Variants in COL18A1 observed in about 807,000 individuals in gnomAD.
COL18A1 encodes collagen type XVIII alpha 1 chain.
COL18A1 carries 133 observed loss-of-function variants against 168.0 expected under a neutral mutation model. The observed-to-expected ratio is 0.79, with a 90% CI of 0.69 to 0.91. COL18A1 has a LOEUF of 0.91. COL18A1 is among the 40% of genes least tolerant of loss of function. COL18A1 has a pLI of 0.00. For synonymous variants in COL18A1, 949 were observed against 809.0 expected, an observed-to-expected ratio of 1.17 and a Z score of -2.94; for missense variants, 2,126 against 1,925.4, an observed-to-expected ratio of 1.10 and a Z score of -1.95.
At position 45,445,121 on chromosome 21, in the gene COL18A1, C is replaced by T. The variant is rs1457203838; in HGVS notation, c.107-23121C>T. Among the ~76,000 whole-genome samples, 3 of 152,198 alleles carry T rather than the reference C, an allele frequency of 2.0e-5. No individual in the cohort carries two copies. In the East Asian group the frequency reaches 5.8e-4, roughly 29 times the overall value. ...CTCCAGAGAGAAGCCTTTCCGCCGC[C>T]CTCCCTCCCTCCAGTCCTGGCCACC... On this transcript the variant is annotated intron_variant, in intron 2 of 41. Coordinates refer to ENST00000651438, the MANE Select transcript of COL18A1 (RefSeq NM_001379500.1).
At position 45,480,730 on chromosome 21, in the gene COL18A1, C is replaced by A. The variant is rs375739796; in HGVS notation, c.1483C>A (p.Pro495Thr). 6.2e-7 allele frequency: 1 copy of A among 1,610,136 alleles called. No homozygotes were observed. The highest frequency in any genetic ancestry group is 2.2e-5 in the East Asian group (1 of 44,878). Residue 495 changes from proline to threonine, a missense_variant, in exon 13 of 42, where the codon CCC (proline) becomes ACC (threonine). Physicochemically the swap from Pro to Thr is conservative, Grantham distance 38 (BLOSUM62 -1). Transcript: ENST00000651438. ...GPRGFPGPPGPPGVPGLPGEP... is the reference protein window; with the variant it reads ...GPRGFPGPPGTPGVPGLPGEP... ...TCGAGGCTTCCCTGGACCTCCCGGA[C>A]CCCCCGGTGTCCCAGGCCTGCCCGG...
rs1193657409 is a variant in COL18A1, at chr21:45,438,256, ACACACT to A, written c.107-29977_107-29972del. 1.5e-3 allele frequency among the ~76,000 whole-genome samples: 147 copies of A among 99,206 alleles called. 3 individuals carry two copies. The highest frequency in any genetic ancestry group is 2.3e-3 in the African/African-American group (47 of 20,396). 65.1% of individuals were successfully genotyped at this position (99,206 alleles called of 152,430 possible). ...CACACAGGCACTCTCCTGCACACAC[ACACACT>A]CACACTCAGACACACAGGCACTCTC... On this transcript the variant is annotated intron_variant, in intron 2 of 41. Transcript: ENST00000651438.
chr21:45,507,856 C>A (rs1237924929), intron 38 of COL18A1, among the ~76,000 whole-genome samples: 1 of 152,240 alleles, frequency 6.6e-6, no homozygotes, highest in East Asian at 1.9e-4. Context: ...GTGTCTGCCG[C>A]TCATTGCCCT....
At chr21:45,459,730 G>A (rs1442593992) in intron 2 of COL18A1, among the ~76,000 whole-genome samples, 1 of 152,228 alleles carries the variant, frequency 6.6e-6, no homozygotes, top group Non-Finnish European at 1.5e-5. Flanking sequence ...GGGAGGGCCG[G>A]GGTGGGGTAG....
At chr21:45,464,897 C>G (rs1349506208) in intron 2 of COL18A1, among the ~76,000 whole-genome samples, 1 of 152,220 alleles carries the variant, frequency 6.6e-6, no homozygotes, top group Non-Finnish European at 1.5e-5. Context: ...TGGGTTCCAG[C>G]TGTTGTGCCG....
At chr21:45,452,270 T>C (rs539372114) in intron 2 of COL18A1, among the ~76,000 whole-genome samples, 2 of 152,328 alleles carry the variant, frequency 1.3e-5, no homozygotes, top group East Asian at 3.9e-4. Flanking sequence ...TTTCTGAGAG[T>C]GCAAGTACAT....
intron 2 of COL18A1, among the ~76,000 whole-genome samples, chr21:45,409,084 C>T (rs1035144787): frequency 9.6e-5 from 10 of 104,048 alleles, no homozygotes; most frequent in African/African-American, 2.0e-4. Flanking sequence ...ACCCCACCCC[C>T]GGCATGGGGC....
rs540450766 is a variant in COL18A1, at chr21:45,511,987, T to TG, written c.3810-195dup. ...GTGGGTGTGTCTGGCAGAAGCAGCA[T>TG]GGGGGGCAGTCTGGGAGATGCAGCC... On this transcript the variant is annotated intron_variant, in intron 41 of 41. Coordinates refer to ENST00000651438, the MANE Select transcript of COL18A1 (RefSeq NM_001379500.1). Among the ~76,000 whole-genome samples, 17 of 152,206 alleles carry TG rather than the reference T, an allele frequency of 1.1e-4. No individual in the cohort carries two copies. In the South Asian group the frequency reaches 3.1e-3, roughly 28 times the overall value.
rs550729686 is a variant in COL18A1 at position 45,509,156 on chromosome 21, C to T, written c.3250-200C>T. Among the ~76,000 whole-genome samples the T allele has an allele frequency of 7.9e-5, 12 of 152,160 alleles. No individual in the cohort carries two copies. The East Asian group carries it at 1.2e-3, about 15-fold the overall frequency. On this transcript the variant is annotated intron_variant, in intron 38 of 41. Coordinates refer to ENST00000651438, the MANE Select transcript of COL18A1 (RefSeq NM_001379500.1). ...GTGGGGCCTGAGCAGAGGTGACCCG[C>T]GATCCGGCGCCACGGCAGGCAGGAC...
rs765760874 is a variant in COL18A1 at position 45,491,270 on chromosome 21, C to A, written c.2113C>A (p.Pro705Thr). Residue 705 changes from proline to threonine, a missense_variant, in exon 22 of 42, where the codon CCC becomes ACC. Physicochemically the swap from Pro to Thr is conservative, Grantham distance 38 (BLOSUM62 -1). Coordinates refer to ENST00000651438, the MANE Select transcript of COL18A1 (RefSeq NM_001379500.1). The stretch of plus-strand genomic sequence containing the variant: ...AGTCGGGCAGCCGGGCCTCCCTGGC[C>A]CCCCCGGACCCCCGGGACCTGTGGT... ...DGVGQPGLPGPPGPPGPVVYV... is the reference protein window; with the variant it reads ...DGVGQPGLPGTPGPPGPVVYV... 1.4e-5 allele frequency: 23 copies of A among 1,612,104 alleles called. No homozygotes were observed. The highest frequency in any genetic ancestry group is 1.3e-4 in the African/African-American group (10 of 74,910).
chr21:45,478,039 G>A (rs540775264), intron 8 of COL18A1, 74 bp downstream of exon 8: 27 of 839,962 alleles, frequency 3.2e-5, no homozygotes, highest in East Asian at 1.3e-4. Flanking sequence ...GAGAGGCTGC[G>A]GCCGACATGG....
chr21:45,418,786 G>A (rs8128728), intron 2 of COL18A1, among the ~76,000 whole-genome samples: 101,150 of 148,668 alleles, frequency 0.68, 34,282 homozygotes, highest in Middle Eastern at 0.8. Context: ...CTGCTTTAGC[G>A]TTGGGTTCCC....
chr21:45,479,978 G>A lies in COL18A1; in HGVS notation c.1311+14G>A, dbSNP rs771667929. On this transcript the variant is annotated intron_variant, in intron 10 of 41. Coordinates refer to ENST00000651438, the MANE Select transcript of COL18A1 (RefSeq NM_001379500.1). ...AAGGGCGACAAGGTGAGTCTCCGTGGCTGGGTGGGGCCCCTTCCTGTGTTG... is the reference window on the plus strand; with the variant it reads ...AAGGGCGACAAGGTGAGTCTCCGTGACTGGGTGGGGCCCCTTCCTGTGTTG... 6.2e-7 allele frequency: 1 copy of A among 1,613,736 alleles called. No homozygotes were observed. The highest frequency in any genetic ancestry group is 1.3e-5 in the African/African-American group (1 of 74,854).
In COL18A1 at chr21:45,438,180, ACACT is replaced by A. The variant is rs759311980; in HGVS notation, c.107-30059_107-30056del. ...GGCACTCTCCTGCATACACACACTCACACTCAGACACACAGGCACTCTCCTGCAC... is the reference window on the plus strand; with the variant it reads ...GGCACTCTCCTGCATACACACACTCACAGACACACAGGCACTCTCCTGCAC... On this transcript the variant is annotated intron_variant, in intron 2 of 41. Transcript: ENST00000651438. Among the ~76,000 whole-genome samples, 22 of 123,108 alleles carry A rather than the reference ACACT, an allele frequency of 1.8e-4. 1 individual carries two copies. The highest frequency in any genetic ancestry group is 3.1e-4 in the Non-Finnish European group (19 of 61,190). The allele number at this position is 123,108 out of a possible 152,430, so 80.8% of individuals were successfully genotyped here. A position where few individuals can be genotyped will look rare whatever the true frequency, so the allele number is the denominator to read the frequency against.
In COL18A1 at chr21:45,468,681, G is replaced by A. The variant is rs1602457256; in HGVS notation, c.546G>A (p.Glu182=). Residue 182 remains glutamate (E), a synonymous_variant, in exon 3 of 42, where the codon GAG becomes GAA. Coordinates refer to ENST00000651438, the MANE Select transcript of COL18A1 (RefSeq NM_001379500.1). The part of the protein sequence containing the change: ...GFVALYVDCE[E]FQRMPLARSS... ...TGGCCCTCTACGTGGACTGTGAGGA[G>A]TTCCAGAGAATGCCGCTTGCTCGGT... is the stretch of plus-strand genomic sequence containing the variant. The A allele has an allele frequency of 6.2e-7, 1 of 1,613,854 alleles. No homozygotes were observed. Among genetic ancestry groups the A allele is most frequent in the Non-Finnish European group, 8.5e-7 (1 of 1,180,010 alleles).
intron 18 of COL18A1, among the ~76,000 whole-genome samples, chr21:45,489,106 C>G (rs1305322882): frequency 1.3e-5 from 2 of 152,246 alleles, no homozygotes; most frequent in Non-Finnish European, 2.9e-5. Flanking sequence ...TGCCATGGCA[C>G]CTGCTCCTTT....
In COL18A1 at chr21:45,452,754, G is replaced by GTTTC. The variant is rs1569296553; in HGVS notation, c.107-15487_107-15486insTTCT. On this transcript the variant is annotated intron_variant, in intron 2 of 41. Transcript: ENST00000651438. ...TGTGAGCATATATGTACGTGTGATT[G>GTTTC]TGTATGCATGTGAGTATTCACTGAC... Among the ~76,000 whole-genome samples, 241 of 150,458 alleles carry GTTTC rather than the reference G, an allele frequency of 1.6e-3. 1 individual carries two copies. Among genetic ancestry groups the GTTTC allele is most frequent in the African/African-American group, 5.7e-3 (234 of 40,774 alleles).
chr21:45,413,326 C>T (rs1288027023), intron 2 of COL18A1, among the ~76,000 whole-genome samples: 3 of 152,244 alleles, frequency 2.0e-5, no homozygotes, highest in Admixed American at 6.5e-5. Flanking sequence ...AGCCGCGCTA[C>T]GTGTCCGCAG....
intron 2 of COL18A1, among the ~76,000 whole-genome samples, chr21:45,419,250 T>G (rs1466169140): frequency 6.6e-6 from 1 of 151,574 alleles, no homozygotes; most frequent in East Asian, 1.9e-4. Context: ...ATGCCGTGTG[T>G]GGTGACATGC....
Sources: gnomAD v4.1 joint callset for allele counts (sites outside exome capture counted in the v4.1 genomes callset) on GRCh38, gnomAD v4.1.1 for gene constraint, MANE v1.5 for transcripts, NCBI Gene and HGNC (gene_info 2026-07-23, HGNC 2026-07-21) for gene names.